Variants in DPY19L4 observed in about 807,000 individuals in gnomAD.
DPY19L4 encodes dpy-19 like 4, also known as probable C-mannosyltransferase DPY19L4.
Under a neutral mutation model 102.8 loss-of-function variants are expected in DPY19L4, and 97 were observed. That is an observed-to-expected ratio of 0.94 (90% CI 0.80 to 1.12). The LOEUF is 1.12. Among genes scored for constraint, DPY19L4 ranks in the 50% most tolerant of loss-of-function variants. The pLI, the probability that DPY19L4 is intolerant of heterozygous loss-of-function variation, is 0.00. For missense variants in DPY19L4, 815 were observed against 850.4 expected (o/e 0.96, Z 0.52); for synonymous variants, 252 against 283.1 (o/e 0.89, Z 1.10).
intron 16 of DPY19L4, 51 bp from the exon 17 acceptor site, chr8:94,783,619 T>C (rs1453819016): frequency 6.3e-7 from 1 of 1,592,552 alleles, no homozygotes; most frequent in Non-Finnish European, 8.5e-7. Context: ...ATCAGTGATC[T>C]AAATAGTATA....
intron 8 of DPY19L4, among the ~76,000 whole-genome samples, chr8:94,764,689 G>GTGTGTGTGTGTATATA (rs1415377058): frequency 1.3e-3 from 55 of 43,188 alleles, no homozygotes; most frequent in South Asian, 2.8e-3. Context: ...GTCTGTGTGT[G>GTGTGTGTGTGTATATA]TATATATATA....
At chr8:94,766,415 T>C (rs931853875) in intron 10 of DPY19L4, among the ~76,000 whole-genome samples, 197 bp from the exon 11 acceptor site, 2 of 152,242 alleles carry the variant, frequency 1.3e-5, no homozygotes, top group African/African-American at 4.8e-5. Context: ...TACGCCATTG[T>C]AGTTTATGCT....
At position 94,719,901 on chromosome 8, in the gene DPY19L4, G is replaced by C. The variant is rs976666882; in HGVS notation, c.-98G>C. ...TCAGGAAGTGGGGGCGCGGCGGCCA[G>C]GAGCGGGCCCCCGGAGGCCGAGGGG... On this transcript the variant is annotated 5_prime_UTR_variant, in exon 1 of 19. Coordinates refer to ENST00000414645, the MANE Select transcript of DPY19L4 (RefSeq NM_181787.3). The C allele has an allele frequency of 1.2e-5, 17 of 1,386,312 alleles. 1 individual carries two copies. In the African/African-American group the frequency reaches 2.6e-4, roughly 21 times the overall value. 85.9% of individuals were successfully genotyped at this position (1,386,312 alleles called of 1,614,324 possible). A position where few individuals can be genotyped will look rare whatever the true frequency, so the allele number is the denominator to read the frequency against.
intron 6 of DPY19L4, among the ~76,000 whole-genome samples, chr8:94,743,736 T>C (rs937953582): frequency 2.0e-5 from 3 of 152,254 alleles, no homozygotes; most frequent in African/African-American, 7.2e-5. Context: ...CTGCGTGCAG[T>C]GGCTCACGCC....
Position 94,719,956 on chromosome 8 carries a change from G to A in DPY19L4, c.-43G>A. On this transcript the variant is annotated 5_prime_UTR_variant, in exon 1 of 19. Transcript: ENST00000414645. ...GCGACGCGGAGGGAGGGAGAGTCTG[G>A]GCCGCGCGGGAGCCGCAGGGCGCCC... The A allele has an allele frequency of 6.6e-7, 1 of 1,505,066 alleles. No homozygotes were observed. Among genetic ancestry groups the A allele is most frequent in the Non-Finnish European group, 8.9e-7 (1 of 1,127,136 alleles). 93.2% of individuals were successfully genotyped at this position (1,505,066 alleles called of 1,614,324 possible). A position where few individuals can be genotyped will look rare whatever the true frequency, so the allele number is the denominator to read the frequency against.
At chr8:94,783,644 G>T in intron 16 of DPY19L4, 26 bp from the exon 17 acceptor site, 1 of 1,610,880 alleles carries the variant, frequency 6.2e-7, no homozygotes, top group Non-Finnish European at 8.5e-7. Flanking sequence ...CCTTTTCAGT[G>T]TGCAAATCTT....
At chr8:94,721,989 G>A (rs1283603850) in intron 1 of DPY19L4, among the ~76,000 whole-genome samples, 1 of 152,062 alleles carries the variant, frequency 6.6e-6, no homozygotes, top group Non-Finnish European at 1.5e-5. Flanking sequence ...AGTGTCTGTA[G>A]TCCCAGCTAC....
At chr8:94,747,573 T>C (rs1811733379) in intron 6 of DPY19L4, among the ~76,000 whole-genome samples, 1 of 148,916 alleles carries the variant, frequency 6.7e-6, no homozygotes, top group Non-Finnish European at 1.5e-5. Flanking sequence ...TTTTTTTTTT[T>C]TTTGAGACAG....
intron 13 of DPY19L4, among the ~76,000 whole-genome samples, chr8:94,773,591 C>T (rs572406806): frequency 1.3e-5 from 2 of 151,796 alleles, no homozygotes; most frequent in African/African-American, 2.4e-5. Context: ...CCACCACGCC[C>T]GGCTGATTTT....
rs772854722 is a variant in DPY19L4, at chr8:94,765,237, C to G, written c.925C>G (p.Gln309Glu). 6.2e-7 allele frequency: 1 copy of G among 1,607,476 alleles called. No individual in the cohort carries two copies. Among genetic ancestry groups the G allele is most frequent in the Non-Finnish European group, 8.5e-7 (1 of 1,177,420 alleles). ...TTCCCTCTTTCTGGGATATTTACTACAGTTTGAGAATCCAGCTTTGTTGGT... is the reference window on the plus strand; with the variant it reads ...TTCCCTCTTTCTGGGATATTTACTAGAGTTTGAGAATCCAGCTTTGTTGGT... The part of the protein sequence containing the change: ...IFSLFLGYLL[Q>E]FENPALLVSP... Residue 309 changes from glutamine (Q) to glutamate (E), a missense_variant, in exon 9 of 19, where the codon CAG (glutamine) becomes GAG (glutamate). Physicochemically the swap from Gln to Glu is conservative, Grantham distance 29 (BLOSUM62 2). Coordinates refer to ENST00000414645, the MANE Select transcript of DPY19L4 (RefSeq NM_181787.3).
chr8:94,780,344 G>C lies in DPY19L4; in HGVS notation c.1576-15G>C. The C allele has an allele frequency of 1.4e-6, 2 of 1,452,920 alleles. No individual in the cohort carries two copies. Among genetic ancestry groups the C allele is most frequent in the East Asian group, 2.4e-5 (1 of 41,986 alleles). The allele number at this position is 1,452,920 out of a possible 1,614,324, so 90.0% of individuals were successfully genotyped here. On this transcript the variant is annotated splice_polypyrimidine_tract_variant and intron_variant, in intron 14 of 18. Coordinates refer to ENST00000414645, the MANE Select transcript of DPY19L4 (RefSeq NM_181787.3). Reference sequence around the variant, plus strand: ...AATGTATTTATTTGTAATCCTTTTTGCTTTAATATTTTAGGCTCTTATTCT... The same window carrying C: ...AATGTATTTATTTGTAATCCTTTTTCCTTTAATATTTTAGGCTCTTATTCT...
intron 6 of DPY19L4, among the ~76,000 whole-genome samples, chr8:94,746,856 A>G (rs907547177): frequency 6.6e-6 from 1 of 152,188 alleles, no homozygotes; most frequent in Non-Finnish European, 1.5e-5. Context: ...GTGTAGCAAC[A>G]GGTTCATTCG....
chr8:94,767,551 CA>C (rs1316556979), intron 11 of DPY19L4, among the ~76,000 whole-genome samples: 3 of 152,170 alleles, frequency 2.0e-5, no homozygotes, highest in African/African-American at 7.2e-5. Flanking sequence ...CTCGGCCTCC[CA>C]AAGTGCTGGG....
At chr8:94,750,352 G>C (rs79068157) in intron 6 of DPY19L4, among the ~76,000 whole-genome samples, 5,410 of 152,306 alleles carry the variant, frequency 0.036, 117 homozygotes, top group Admixed American at 0.041. Context: ...GTCATTAACT[G>C]TTCTTGAAGT....
intron 6 of DPY19L4, among the ~76,000 whole-genome samples, chr8:94,742,976 C>T (rs992299942): frequency 6.6e-6 from 1 of 151,638 alleles, no homozygotes; most frequent in African/African-American, 2.4e-5. Context: ...AAGTGCTGAG[C>T]TTACAGGCAT....
rs1161705507 is a variant in DPY19L4 at position 94,759,500 on chromosome 8, CTTTTTTT to C, written c.736-2183_736-2177del. Among the ~76,000 whole-genome samples the C allele has an allele frequency of 8.9e-5, 6 of 67,536 alleles. No homozygotes were observed. In the South Asian group the frequency reaches 3.8e-3, roughly 42 times the overall value. 44.3% of individuals were successfully genotyped at this position (67,536 alleles called of 152,430 possible). A position where few individuals can be genotyped will look rare whatever the true frequency, so the allele number is the denominator to read the frequency against. On this transcript the variant is annotated intron_variant, in intron 7 of 18. Coordinates refer to ENST00000414645, the MANE Select transcript of DPY19L4 (RefSeq NM_181787.3). ...AGCCACTGTGCCTGGTCTACATGTT[CTTTTTTT>C]TTTTTTTTTTTTTTTTGAGACGGAG...
At position 94,733,118 on chromosome 8, in the gene DPY19L4, C is replaced by CTTTTTT. The variant is rs34879619; in HGVS notation, c.128-1492_128-1487dup. Among the ~76,000 whole-genome samples, 26 of 76,350 alleles carry CTTTTTT rather than the reference C, an allele frequency of 3.4e-4. 1 individual carries two copies. The highest frequency in any genetic ancestry group is 5.3e-4 in the African/African-American group (9 of 16,986). 50.1% of individuals were successfully genotyped at this position (76,350 alleles called of 152,430 possible). ...CCACCACACTTAGCTTCATCTTAAC[C>CTTTTTT]TTTTTTTTTTTTTTTTTTTTTTTTT... On this transcript the variant is annotated intron_variant, in intron 2 of 18. Coordinates refer to ENST00000414645, the MANE Select transcript of DPY19L4 (RefSeq NM_181787.3).
At chr8:94,766,588 T>G in intron 10 of DPY19L4, 24 bp from the exon 11 acceptor site, 1 of 1,607,920 alleles carries the variant, frequency 6.2e-7, no homozygotes, top group East Asian at 2.2e-5. Context: ...ATTTCTTTGT[T>G]TAACTGGTGT....
At chr8:94,746,974 A>C (rs1359373691) in intron 6 of DPY19L4, among the ~76,000 whole-genome samples, 1 of 151,918 alleles carries the variant, frequency 6.6e-6, no homozygotes, top group African/African-American at 2.4e-5. Flanking sequence ...TGAATGACTC[A>C]GTTCTCATCA....
Sources: allele counts gnomAD v4.1 joint callset (sites outside exome capture counted in the v4.1 genomes callset), GRCh38; gene constraint gnomAD v4.1.1; transcripts MANE v1.5; gene names NCBI Gene and HGNC (gene_info 2026-07-23, HGNC 2026-07-21).